The following GMPS variants were observed in gnomAD, a reference collection of about 807,000 sequenced individuals.
GMPS encodes GMP synthase [glutamine-hydrolyzing].
In GMPS, 15 loss-of-function variants were observed where a neutral mutation model predicts 77.9. That is an observed-to-expected ratio of 0.19 (90% CI 0.13 to 0.30). GMPS has a LOEUF of 0.30. GMPS is among the 10% of genes least tolerant of loss of function. GMPS has a pLI of 1.00. For synonymous variants in GMPS, 224 were observed against 275.9 expected (o/e 0.81, Z 1.86); for missense variants, 590 against 838.8 (o/e 0.70, Z 3.66).
At chr3:155,893,437 A>G in intron 1 of GMPS, 81 bp from the exon 2 acceptor site, 1 of 871,162 alleles carries the variant, frequency 1.1e-6, no homozygotes, top group Non-Finnish European at 1.7e-6. Context: ...TTTGGAGCTG[A>G]CAGTGATCAT....
chr3:155,931,266 A>G (rs926061840), intron 12 of GMPS, among the ~76,000 whole-genome samples: 3 of 150,940 alleles, frequency 2.0e-5, no homozygotes, highest in Non-Finnish European at 1.5e-5. Context: ...GCTCACTGCA[A>G]CCTCCACCTC....
rs1199876860 is a variant in GMPS, at chr3:155,939,547, A to G, written c.*1855A>G. The G allele has an allele frequency of 4.9e-6, 1 of 203,182 alleles. No homozygotes were observed. Among genetic ancestry groups the G allele is most frequent in the Non-Finnish European group, 1.0e-5 (1 of 98,948 alleles). The allele number at this position is 203,182 out of a possible 1,614,324, so 12.6% of individuals were successfully genotyped here. A position where few individuals can be genotyped will look rare whatever the true frequency, so the allele number is the denominator to read the frequency against. On this transcript the variant is annotated 3_prime_UTR_variant, in exon 16 of 16. Transcript: ENST00000496455. ...TTGTCCTTTCCTGGAGATTCATGGT[A>G]TATAATATTCAAAGCTCTGAGAAAT...
intron 12 of GMPS, among the ~76,000 whole-genome samples, chr3:155,931,188 CTTT>C (rs1302963548): frequency 6.9e-6 from 1 of 144,830 alleles, no homozygotes; most frequent in Admixed American, 6.9e-5. Context: ...ATGTTGAATA[CTTT>C]TTTTTTTTTT....
intron 10 of GMPS, among the ~76,000 whole-genome samples, chr3:155,921,032 A>G (rs977106201): frequency 2.0e-5 from 3 of 152,166 alleles, no homozygotes; most frequent in African/African-American, 4.8e-5. Context: ...ACTTGAGGTC[A>G]GGAGTTCCAG....
chr3:155,906,399 T>A, intron 5 of GMPS, 136 bp downstream of exon 5: 2 of 539,690 alleles, frequency 3.7e-6, no homozygotes, highest in Non-Finnish European at 6.6e-6. Flanking sequence ...AAGATAATAA[T>A]GAATGTAGGA....
intron 1 of GMPS, among the ~76,000 whole-genome samples, chr3:155,881,391 C>T (rs1232368583): frequency 1.3e-5 from 2 of 152,032 alleles, no homozygotes; most frequent in Non-Finnish European, 2.9e-5. Context: ...AGGCTGGTCT[C>T]AAACTCCCAA....
At chr3:155,871,718 C>G (rs372720707) in intron 1 of GMPS, among the ~76,000 whole-genome samples, 2 of 152,248 alleles carry the variant, frequency 1.3e-5, no homozygotes, top group Admixed American at 1.3e-4. Flanking sequence ...GGACGCGAGC[C>G]GTGCCAGCTC....
At chr3:155,906,051 T>TC (rs1299791738) in intron 4 of GMPS, 109 bp from the exon 5 acceptor site, 11 of 563,762 alleles carry the variant, frequency 2.0e-5, no homozygotes, top group Non-Finnish European at 3.0e-5. Flanking sequence ...ACTTTTTTTT[T>TC]TTCTGTTTTT....
intron 12 of GMPS, among the ~76,000 whole-genome samples, chr3:155,930,033 A>G (rs1406184679): frequency 6.7e-6 from 1 of 149,402 alleles, no homozygotes; most frequent in Non-Finnish European, 1.5e-5. Flanking sequence ...TGGAACCAAA[A>G]AAGAGCCCGC....
rs1755919103 is a variant in GMPS, at chr3:155,942,590, T to TAA, written c.*4899_*4900insAA. On this transcript the variant is annotated 3_prime_UTR_variant, in exon 16 of 16. Transcript: ENST00000496455. ...ATTCTGGAACTGATTGCACCTATAT[T>TAA]ATGTTGTGTGTCAGACACTCCCAGG... 1 of 228,914 alleles carries TAA rather than the reference T, an allele frequency of 4.4e-6. No homozygotes were observed. Among genetic ancestry groups the TAA allele is most frequent in the African/African-American group, 2.2e-5 (1 of 45,104 alleles). The allele number at this position is 228,914 out of a possible 1,614,324, so 14.2% of individuals were successfully genotyped here. A position where few individuals can be genotyped will look rare whatever the true frequency, so the allele number is the denominator to read the frequency against.
chr3:155,886,243 T>C (rs1004639574), intron 1 of GMPS, among the ~76,000 whole-genome samples: 2 of 151,934 alleles, frequency 1.3e-5, no homozygotes, highest in African/African-American at 4.8e-5. Context: ...GTTCACAGAA[T>C]ACATAGAGAA....
Position 155,937,641 on chromosome 3 carries a change from A to C in GMPS, c.2031A>C (p.Arg677=). ...TEIKKIPGIS[R]IMYDLTSKPP... is the part of the protein sequence containing the mutation. ...TTAAGAAGATTCCTGGTATTTCTCG[A>C]ATTATGTATGACTTAACATCAAAGC... The change falls in exon 16 of 16, where the codon CGA becomes CGC. Residue 677 remains arginine (R), a synonymous_variant. Coordinates refer to ENST00000496455, the MANE Select transcript of GMPS (RefSeq NM_003875.3). The C allele has an allele frequency of 7.3e-6, 11 of 1,509,006 alleles. No individual in the cohort carries two copies. Among genetic ancestry groups the C allele is most frequent in the Non-Finnish European group, 1.0e-5 (11 of 1,084,958 alleles). The allele number at this position is 1,509,006 out of a possible 1,614,324, so 93.5% of individuals were successfully genotyped here. A position where few individuals can be genotyped will look rare whatever the true frequency, so the allele number is the denominator to read the frequency against.
intron 14 of GMPS, 81 bp from the exon 15 acceptor site, chr3:155,936,257 T>C (rs2108152714): frequency 1.2e-6 from 1 of 841,448 alleles, no homozygotes; most frequent in Non-Finnish European, 2.0e-6. Flanking sequence ...ATTTCAGATA[T>C]TGCCTGGGAG....
In GMPS at chr3:155,914,623, G is replaced by A. The variant is rs1755127181; in HGVS notation, c.1038+53G>A. 5.8e-6 allele frequency: 7 copies of A among 1,201,246 alleles called. No homozygotes were observed. The South Asian group carries it at 1.1e-4, about 19-fold the overall frequency. 74.4% of individuals were successfully genotyped at this position (1,201,246 alleles called of 1,614,324 possible). A position where few individuals can be genotyped will look rare whatever the true frequency, so the allele number is the denominator to read the frequency against. On this transcript the variant is annotated intron_variant, in intron 8 of 15. Transcript: ENST00000496455. ...TGTACTATTTTTGATGTGAATCTTA[G>A]TATTTGTTTTTCCTTGTCACTATAT...
chr3:155,936,416 C>T lies in GMPS; in HGVS notation c.1886C>T (p.Pro629Leu), dbSNP rs1326319582. The change falls in exon 15 of 16, where the codon CCT (proline) becomes CTT (leucine). Residue 629 changes from proline to leucine, a missense_variant. By Grantham distance (98) the Pro-to-Leu change is moderately conservative. Coordinates refer to ENST00000496455, the MANE Select transcript of GMPS (RefSeq NM_003875.3). ...GATCGGGACCCACTTCAAAAGCAGC[C>T]TTCATGCCAGAGATCTGTGGTTATT... ...HFDRDPLQKQPSCQRSVVIRT... is the reference protein window; with the variant it reads ...HFDRDPLQKQLSCQRSVVIRT... 6.2e-7 allele frequency: 1 copy of T among 1,607,840 alleles called. No homozygotes were observed. The highest frequency in any genetic ancestry group is 1.3e-5 in the African/African-American group (1 of 74,818).
At chr3:155,924,126 G>C (rs543241117) in intron 11 of GMPS, among the ~76,000 whole-genome samples, 2 of 152,160 alleles carry the variant, frequency 1.3e-5, no homozygotes, top group African/African-American at 4.8e-5. Flanking sequence ...GTGATCACCC[G>C]CCTCGGCCTC....
intron 1 of GMPS, among the ~76,000 whole-genome samples, chr3:155,878,016 C>A (rs1754098570): frequency 6.6e-6 from 1 of 152,110 alleles, no homozygotes; most frequent in South Asian, 2.1e-4. Context: ...TCAGGTGATC[C>A]GCCTGCCTTG....
rs375445414 is a variant in GMPS at position 155,896,682 on chromosome 3, A to G, written c.210-1245A>G. On this transcript the variant is annotated intron_variant, in intron 2 of 15. Coordinates refer to ENST00000496455, the MANE Select transcript of GMPS (RefSeq NM_003875.3). Reference sequence around the variant, plus strand: ...GCAATCTGCCCGTCTCTGTTTCCCAAAGTGCTGTGATTACAGGTTTGAGCA... The same window carrying G: ...GCAATCTGCCCGTCTCTGTTTCCCAGAGTGCTGTGATTACAGGTTTGAGCA... 8.2e-4 allele frequency among the ~76,000 whole-genome samples: 123 copies of G among 150,566 alleles called. 1 individual carries two copies. In the East Asian group the frequency reaches 0.014, roughly 18 times the overall value.
chr3:155,873,610 A>G (rs1246898528), intron 1 of GMPS, among the ~76,000 whole-genome samples: 4 of 136,968 alleles, frequency 2.9e-5, no homozygotes, highest in African/African-American at 1.1e-4. Flanking sequence ...ATTGGGGAGC[A>G]GGTGTCGTTA....
Sources: allele counts gnomAD v4.1 joint callset (sites outside exome capture counted in the v4.1 genomes callset), GRCh38; gene constraint gnomAD v4.1.1; transcripts MANE v1.5; gene names NCBI Gene and HGNC (gene_info 2026-07-23, HGNC 2026-07-21).